Variants in CNKSR2 observed in about 807,000 individuals in gnomAD.
CNKSR2 encodes the protein connector enhancer of kinase suppressor of Ras 2.
Under a neutral mutation model 84.4 loss-of-function variants are expected in CNKSR2, and 14 were observed. The observed-to-expected ratio is 0.17, with a 90% confidence interval of 0.11 to 0.26. The LOEUF (loss-of-function observed/expected upper bound fraction) is 0.26. Among genes scored for constraint, CNKSR2 ranks in the 10% least tolerant of loss-of-function variants. The probability of loss-of-function intolerance (pLI) is 1.00; values close to 1 mark genes in which losing one functional copy is unlikely to be tolerated. For synonymous variants in CNKSR2, 275 were observed against 277.9 expected, an observed-to-expected ratio of 0.99 and a Z score of 0.10; for missense variants, 485 against 771.2, an observed-to-expected ratio of 0.63 and a Z score of 4.40.
At chrX:21,572,415 A>G (rs1389902952) in intron 13 of CNKSR2, among the ~76,000 whole-genome samples, 2 of 112,732 alleles carry the variant, frequency 1.8e-5, no homozygotes, top group Non-Finnish European at 3.7e-5. Context: ...AATTTATTGA[A>G]TATTCTAATT....
At chrX:21,457,211 C>T (rs763103007) in intron 4 of CNKSR2, among the ~76,000 whole-genome samples, 6 of 111,501 alleles carry the variant, frequency 5.4e-5, no homozygotes, top group African/African-American at 1.9e-4. Context: ...TGTGCAGAAA[C>T]TTTTTGGGTT....
At chrX:21,525,674 A>G (rs143249884) in intron 9 of CNKSR2, among the ~76,000 whole-genome samples, 1,126 of 111,002 alleles carry the variant, frequency 0.01, 15 homozygotes, top group African/African-American at 0.035. Flanking sequence ...TGGCTTTTTA[A>G]GCGAATTTTG....
intron 9 of CNKSR2, among the ~76,000 whole-genome samples, chrX:21,523,608 C>T (rs775237490): frequency 7.3e-5 from 8 of 109,940 alleles, no homozygotes; most frequent in African/African-American, 2.3e-4. Flanking sequence ...CCTCCTCATT[C>T]GATTTTTTTT....
intron 20 of CNKSR2, among the ~76,000 whole-genome samples, chrX:21,621,060 A>C (rs1256640081): frequency 2.7e-5 from 3 of 111,164 alleles, no homozygotes; most frequent in Non-Finnish European, 3.8e-5. Flanking sequence ...AAAACTCTAA[A>C]ATGGAATTGT....
intron 11 of CNKSR2, among the ~76,000 whole-genome samples, chrX:21,532,818 TA>T (rs1156408637): frequency 8.9e-6 from 1 of 111,837 alleles, no homozygotes; most frequent in Non-Finnish European, 1.9e-5. Flanking sequence ...TTCAAATTAA[TA>T]ATTTTTAGCG....
At chrX:21,401,466 T>C (rs1011361231) in intron 1 of CNKSR2, among the ~76,000 whole-genome samples, 1 of 111,786 alleles carries the variant, frequency 8.9e-6, no homozygotes, top group African/African-American at 3.2e-5. Flanking sequence ...CGAACAAATA[T>C]CACTTCTGGG....
chrX:21,388,521 A>G (rs1336746043), intron 1 of CNKSR2, among the ~76,000 whole-genome samples: 1 of 112,312 alleles, frequency 8.9e-6, no homozygotes, highest in Non-Finnish European at 1.9e-5. Context: ...CAAAAAACAC[A>G]ATGATGAGGG....
At chrX:21,580,370 A>G (rs938590834) in intron 13 of CNKSR2, among the ~76,000 whole-genome samples, 1 of 111,663 alleles carries the variant, frequency 9.0e-6, no homozygotes, top group Non-Finnish European at 1.9e-5. Context: ...GAGCTTGTCT[A>G]TTATATAAGA....
At chrX:21,504,280 T>G (rs1309426681) in intron 8 of CNKSR2, 1 of 111,558 alleles carries the variant, frequency 9.0e-6, no homozygotes, top group Non-Finnish European at 1.9e-5. Context: ...CTACGTTCAT[T>G]ACCATAGGGT....
intron 13 of CNKSR2, among the ~76,000 whole-genome samples, chrX:21,574,834 G>C (rs929874534): frequency 9.0e-6 from 1 of 111,714 alleles, no homozygotes; most frequent in Non-Finnish European, 1.9e-5. Context: ...ATACATCATT[G>C]GGATTTTTTA....
At chrX:21,554,372 G>A (rs2147172270) in intron 11 of CNKSR2, among the ~76,000 whole-genome samples, 1 of 111,430 alleles carries the variant, frequency 9.0e-6, no homozygotes, top group East Asian at 2.8e-4. Context: ...ACAAGTGTGG[G>A]ATTGTTACAT....
chrX:21,377,906 T>C (rs993802065), intron 1 of CNKSR2, among the ~76,000 whole-genome samples: 2 of 111,819 alleles, frequency 1.8e-5, no homozygotes, highest in African/African-American at 6.5e-5. Flanking sequence ...ATGCAATGTA[T>C]AAATGGATTC....
chrX:21,517,651 T>G (rs1408404241), intron 9 of CNKSR2, among the ~76,000 whole-genome samples: 2 of 110,963 alleles, frequency 1.8e-5, no homozygotes, highest in African/African-American at 6.5e-5. Flanking sequence ...ATCTTTAAAC[T>G]TAAGTAATTT....
At chrX:21,450,875 C>T (rs930711704) in intron 4 of CNKSR2, among the ~76,000 whole-genome samples, 38 of 111,682 alleles carry the variant, frequency 3.4e-4, no homozygotes, top group Non-Finnish European at 1.9e-5. Flanking sequence ...AGTAAAGGCT[C>T]AACTATTTTT....
At chrX:21,404,507 G>A (rs893317940) in intron 1 of CNKSR2, among the ~76,000 whole-genome samples, 1 of 110,151 alleles carries the variant, frequency 9.1e-6, no homozygotes, top group Non-Finnish European at 1.9e-5. Context: ...AGTATATTCT[G>A]GCCAGGCATG....
chrX:21,636,008 T>C (rs775972303), intron 20 of CNKSR2, among the ~76,000 whole-genome samples: 16 of 111,292 alleles, frequency 1.4e-4, no homozygotes, highest in African/African-American at 4.9e-4. Context: ...AGAGTACTTA[T>C]CAGGTAGGAA....
chrX:21,460,152 G>T (rs2091043757), intron 4 of CNKSR2, among the ~76,000 whole-genome samples: 1 of 111,982 alleles, frequency 8.9e-6, no homozygotes, highest in South Asian at 3.7e-4. Context: ...TTCAATGTCA[G>T]TATCTTCAAG....
chrX:21,403,162 A>G (rs2090215479), intron 1 of CNKSR2, among the ~76,000 whole-genome samples: 1 of 111,047 alleles, frequency 9.0e-6, no homozygotes, highest in South Asian at 3.8e-4. Context: ...ATACAATAGG[A>G]AAATTTTCTT....
intron 11 of CNKSR2, among the ~76,000 whole-genome samples, chrX:21,544,232 G>C (rs1255851881): frequency 1.8e-5 from 2 of 111,053 alleles, no homozygotes; most frequent in Non-Finnish European, 3.8e-5. Flanking sequence ...GTTTCTTTTG[G>C]TTTGATTTTG....
Sources: allele counts gnomAD v4.1 joint callset (sites outside exome capture counted in the v4.1 genomes callset), GRCh38; gene constraint gnomAD v4.1.1; transcripts MANE v1.5; gene names NCBI Gene and HGNC (gene_info 2026-07-23, HGNC 2026-07-21).